TBC1D5: variants seen among roughly 807,000 people sequenced by gnomAD.
TBC1D5 encodes the protein TBC1 domain family member 5, also known as TBC1 domain family, member 5.
In TBC1D5, 75 loss-of-function variants were observed where a neutral mutation model predicts 100.3. The ratio of observed to expected loss-of-function variants is 0.75; its 90% CI spans 0.62 to 0.91. The LOEUF (loss-of-function observed/expected upper bound fraction) is 0.91, where lower values mean the gene tolerates loss of function less well. Ranked by LOEUF, TBC1D5 falls within the 40% of genes least tolerant of loss-of-function variation. TBC1D5 has a pLI of 0.00. For synonymous variants in TBC1D5, 323 were observed against 325.6 expected, an observed-to-expected ratio of 0.99 and a Z score of 0.09; for missense variants, 910 against 942.4, an observed-to-expected ratio of 0.97 and a Z score of 0.45.
At chr3:17,611,872 C>T (rs1394168106) in intron 2 of TBC1D5, among the ~76,000 whole-genome samples, 2 of 152,112 alleles carry the variant, frequency 1.3e-5, no homozygotes, top group Non-Finnish European at 2.9e-5. Context: ...TCTTTTCTAC[C>T]ACTGATAGTT....
At chr3:17,543,877 CTTTTT>C (rs990614855) in intron 2 of TBC1D5, among the ~76,000 whole-genome samples, 2 of 144,568 alleles carry the variant, frequency 1.4e-5, no homozygotes, top group Non-Finnish European at 3.1e-5. Flanking sequence ...TTTTTTTTTT[CTTTTT>C]TTTTGAGACA....
At chr3:17,559,724 G>T (rs1008335547) in intron 2 of TBC1D5, among the ~76,000 whole-genome samples, 4 of 151,850 alleles carry the variant, frequency 2.6e-5, no homozygotes, top group Non-Finnish European at 5.9e-5. Flanking sequence ...CGAGTAGCTG[G>T]GATTACAGGC....
At chr3:17,262,462 G>C (rs2078397547) in intron 15 of TBC1D5, among the ~76,000 whole-genome samples, 1 of 150,272 alleles carries the variant, frequency 6.7e-6, no homozygotes, top group South Asian at 2.1e-4. Context: ...ACTATCATGA[G>C]CATTTCCAAA....
intron 13 of TBC1D5, among the ~76,000 whole-genome samples, chr3:17,339,145 A>G (rs2088439944): frequency 6.6e-6 from 1 of 152,256 alleles, no homozygotes; most frequent in Non-Finnish European, 1.5e-5. Context: ...AACGTGTGGT[A>G]AAGACAAGCA....
At chr3:17,599,668 T>C (rs2060802927) in intron 2 of TBC1D5, among the ~76,000 whole-genome samples, 1 of 152,150 alleles carries the variant, frequency 6.6e-6, no homozygotes, top group African/African-American at 2.4e-5. Flanking sequence ...AAGACAGTAT[T>C]AATTGTAACA....
intron 17 of TBC1D5, among the ~76,000 whole-genome samples, chr3:17,225,838 T>C (rs2074826437): frequency 6.6e-6 from 1 of 152,132 alleles, no homozygotes. Flanking sequence ...AGTGGGACCC[T>C]GTCTCAACAA....
rs748242293 is a variant in TBC1D5 at position 17,629,904 on chromosome 3, GT to G, written c.-100-5992del. On this transcript the variant is annotated intron_variant, in intron 1 of 21. Coordinates refer to ENST00000253692, the Ensembl canonical transcript of TBC1D5. ...CAGAACTATAGAATTAAAAACTTGT[GT>G]TGTTTTAAACCATTAAATTTGTGAT... is the stretch of plus-strand genomic sequence containing the variant. Among the ~76,000 whole-genome samples the G allele has an allele frequency of 3.3e-4, 50 of 152,222 alleles. No individual in the cohort carries two copies. In the Middle Eastern group the frequency reaches 0.01, roughly 31 times the overall value.
At chr3:17,233,698 T>C (rs1559460368) in intron 17 of TBC1D5, 1 of 1,540,336 alleles carries the variant, frequency 6.5e-7, no homozygotes, top group Non-Finnish European at 8.8e-7. Context: ...GGAGGTCAGT[T>C]AGAGTCTGGA....
At chr3:17,712,620 CG>C (rs1295292839) in intron 1 of TBC1D5, among the ~76,000 whole-genome samples, 1 of 152,132 alleles carries the variant, frequency 6.6e-6, no homozygotes, top group Non-Finnish European at 1.5e-5. Flanking sequence ...AGCTATGTAT[CG>C]GGAATACGAG....
intron 15 of TBC1D5, among the ~76,000 whole-genome samples, chr3:17,264,072 T>C (rs1163288104): frequency 2.6e-5 from 4 of 152,134 alleles, no homozygotes; most frequent in Non-Finnish European, 5.9e-5. Context: ...TGGAAGTCTG[T>C]AGATCAGCTG....
chr3:17,223,754 G>A (rs937867920), intron 17 of TBC1D5, among the ~76,000 whole-genome samples: 1 of 151,896 alleles, frequency 6.6e-6, no homozygotes, highest in African/African-American at 2.4e-5. Context: ...CCAGCTACTC[G>A]AGCAGAGTCA....
intron 1 of TBC1D5, chr3:17,706,248 T>C: frequency 6.5e-6 from 10 of 1,548,778 alleles, no homozygotes; most frequent in South Asian, 4.8e-5. Flanking sequence ...ACATTGATAT[T>C]TGTACTTCTT....
At chr3:17,486,306 G>A (rs1478562810) in intron 3 of TBC1D5, among the ~76,000 whole-genome samples, 2 of 152,086 alleles carry the variant, frequency 1.3e-5, no homozygotes, top group African/African-American at 4.8e-5. Flanking sequence ...CACTCTGATG[G>A]TAGTTTCATT....
intron 13 of TBC1D5, among the ~76,000 whole-genome samples, chr3:17,327,353 T>C (rs2151069826): frequency 6.6e-6 from 1 of 152,356 alleles, no homozygotes; most frequent in Middle Eastern, 3.4e-3. Context: ...GGCGACATCA[T>C]GTCTGTCCTC....
chr3:17,383,933 C>G, exon 9 of TBC1D5: 9 of 1,598,792 alleles, frequency 5.6e-6, no homozygotes, highest in Non-Finnish European at 7.7e-6. Context: ...AGCAACTGCT[C>G]GTTTTCTCTG....
chr3:17,387,550 G>GA (rs1434130318), intron 8 of TBC1D5, among the ~76,000 whole-genome samples: 1 of 151,950 alleles, frequency 6.6e-6, no homozygotes, highest in Non-Finnish European at 1.5e-5. Flanking sequence ...AAATGTGGGA[G>GA]AAAAAGTACA....
intron 17 of TBC1D5, among the ~76,000 whole-genome samples, chr3:17,236,734 C>T (rs945105172): frequency 1.3e-5 from 2 of 152,124 alleles, no homozygotes; most frequent in Non-Finnish European, 2.9e-5. Context: ...TCTACCTCGG[C>T]CTCCCAAAGT....
chr3:17,289,020 T>C (rs1289791431), intron 15 of TBC1D5, among the ~76,000 whole-genome samples: 1 of 152,220 alleles, frequency 6.6e-6, no homozygotes, highest in Non-Finnish European at 1.5e-5. Context: ...ATCAGCATGC[T>C]GTAACATCCC....
At chr3:17,493,723 T>C (rs1393332522) in intron 3 of TBC1D5, among the ~76,000 whole-genome samples, 1 of 152,212 alleles carries the variant, frequency 6.6e-6, no homozygotes, top group Non-Finnish European at 1.5e-5. Context: ...ATATGGCTAC[T>C]GATATTTGTG....
Sources: gnomAD v4.1 joint callset for allele counts (sites outside exome capture counted in the v4.1 genomes callset) on GRCh38, gnomAD v4.1.1 for gene constraint, MANE v1.5 for transcripts, NCBI Gene and HGNC (gene_info 2026-07-23, HGNC 2026-07-21) for gene names.